The following TRPM2 variants were observed in gnomAD, a reference collection of about 807,000 sequenced individuals.
The protein encoded by TRPM2 is transient receptor potential cation channel subfamily M member 2.
A neutral mutation model predicts 174.0 loss-of-function variants in TRPM2; 161 were observed. That is an observed-to-expected ratio of 0.93 (90% confidence interval 0.81 to 1.05). The LOEUF (loss-of-function observed/expected upper bound fraction) is 1.05, where lower values mean the gene tolerates loss of function less well. Among genes scored for constraint, TRPM2 ranks in the 50% least tolerant of loss-of-function variants. The pLI, the probability that TRPM2 is intolerant of heterozygous loss-of-function variation, is 0.00. For synonymous variants in TRPM2, 954 were observed against 861.3 expected (o/e 1.11, Z -1.88); for missense variants, 2,057 against 2,038.0 (o/e 1.01, Z -0.18).
intron 22 of TRPM2, chr21:44,422,226 C>A: frequency 6.6e-7 from 1 of 1,524,902 alleles, no homozygotes. Context: ...CATAACCTTG[C>A]AGCACTGAGG....
rs545404762 is a variant in TRPM2 at position 44,439,564 on chromosome 21, G to A, written c.4269+396G>A. ...GAAGCCAGCCCCTCCCTCAGACCTC[G>A]CCCCGACTCCCAAGCTCTGGAGGGG... On this transcript the variant is annotated intron_variant, in intron 30 of 31. Transcript: ENST00000397928. The surrounding 1 kb of genome is among the most constrained non-coding windows in gnomAD (Gnocchi z 5.1). 5.3e-5 allele frequency among the ~76,000 whole-genome samples: 8 copies of A among 152,136 alleles called. No homozygotes were observed. The highest frequency in any genetic ancestry group is 2.1e-4 in the South Asian group (1 of 4,816).
At position 44,414,013 on chromosome 21, in the gene TRPM2, C is replaced by T; in HGVS notation, c.3085C>T (p.Leu1029Phe). The change falls in exon 20 of 32, where the codon CTC becomes TTC. Residue 1029 changes from leucine to phenylalanine, a missense_variant. By Grantham distance (22) the Leu-to-Phe change is conservative. Transcript: ENST00000397928. ...AFPEWLTVLL[L>F]CLYLLFTNIL... ...CCCTGAGTGGCTGACGGTCCTCCTA[C>T]TCTGCCTCTACCTGCTCTTCACCAA... The T allele has an allele frequency of 6.2e-7, 1 of 1,613,820 alleles. No individual in the cohort carries two copies. Among genetic ancestry groups the T allele is most frequent in the Non-Finnish European group, 8.5e-7 (1 of 1,180,010 alleles).
intron 9 of TRPM2, among the ~76,000 whole-genome samples, chr21:44,390,578 GTCT>G (rs1294339398): frequency 6.6e-6 from 1 of 152,266 alleles, no homozygotes; most frequent in East Asian, 1.9e-4. Flanking sequence ...AGAGACCTAT[GTCT>G]TCTTAAAACA....
In TRPM2 at chr21:44,364,123, G is replaced by A. The variant is rs775208321; in HGVS notation, c.264G>A (p.Val88=). ...TGCTGTGTCTTTGCAGGAAGGTGGT[G>A]TGTCAGTGTGGCTACACGCATGAGC... ...SSKLSDAGKV[V]CQCGYTHEQH... is the part of the protein sequence containing the mutation. The change falls in exon 3 of 32, where the codon GTG becomes GTA. Residue 88 remains valine (V), a synonymous_variant. Coordinates refer to ENST00000397928, the MANE Select transcript of TRPM2 (RefSeq NM_003307.4). 3 of 1,613,822 alleles carry A rather than the reference G, an allele frequency of 1.9e-6. No individual in the cohort carries two copies. The highest frequency in any genetic ancestry group is 4.5e-5 in the East Asian group (2 of 44,878).
At position 44,413,927 on chromosome 21, in the gene TRPM2, GC is replaced by G; in HGVS notation, c.3000del (p.Thr1001ProfsTer24). 1 of 1,613,830 alleles carries G rather than the reference GC, an allele frequency of 6.2e-7. No individual in the cohort carries two copies. Among genetic ancestry groups the G allele is most frequent in the Non-Finnish European group, 8.5e-7 (1 of 1,179,954 alleles). On this transcript the variant is annotated frameshift_variant, in exon 20 of 32. Coordinates refer to ENST00000397928, the MANE Select transcript of TRPM2 (RefSeq NM_003307.4). LOFTEE classifies it high-confidence loss of function. Reference protein sequence around the residue: ...NFNPEHCSPNGTDPYKPKCPE... With the variant: ...NFNPEHCSPNXTDPYKPKCPE... ...AACCCGGAGCACTGCAGCCCCAATG[GC>G]ACCGACCCCTACAAGCCTAAGTGCC... is the stretch of plus-strand genomic sequence containing the variant.
chr21:44,409,572 A>G (rs60459779), intron 19 of TRPM2, among the ~76,000 whole-genome samples: 3,642 of 136,934 alleles, frequency 0.027, 396 homozygotes, highest in African/African-American at 0.095. Flanking sequence ...GCCTTGTAGT[A>G]AGTTTTGACC....
chr21:44,402,041 A>G (rs911035636), intron 16 of TRPM2, 144 bp downstream of exon 16: 15 of 951,490 alleles, frequency 1.6e-5, no homozygotes, highest in Non-Finnish European at 2.4e-5. Flanking sequence ...TTCCTCCCCA[A>G]AATGGGTGGC....
chr21:44,419,896 A>AATGGTG (rs1285843243), intron 22 of TRPM2, among the ~76,000 whole-genome samples: 3 of 47,068 alleles, frequency 6.4e-5, no homozygotes, highest in Non-Finnish European at 1.4e-4. Flanking sequence ...GGTGGATGGT[A>AATGGTG]ATGGTGATGG....
chr21:44,440,546 G>T (rs1054283141), intron 30 of TRPM2, among the ~76,000 whole-genome samples: 1 of 152,192 alleles, frequency 6.6e-6, no homozygotes, highest in East Asian at 1.9e-4. Context: ...CTGAGCAGAC[G>T]TTTCCAAGGC....
At chr21:44,381,321 A>G (rs917731187) in intron 8 of TRPM2, among the ~76,000 whole-genome samples, 2 of 151,966 alleles carry the variant, frequency 1.3e-5, no homozygotes, top group Admixed American at 6.6e-5. Context: ...CCCTGGACAC[A>G]GGGGGAAGGT....
Position 44,438,980 on chromosome 21 carries a change from C to A in TRPM2, c.4168-87C>A. ...GGGCTGGGCCGCTGCCCACGCCGGGCAGGAGGCCAGTGGAGACGGGTGCCA... is the reference window on the plus strand; with the variant it reads ...GGGCTGGGCCGCTGCCCACGCCGGGAAGGAGGCCAGTGGAGACGGGTGCCA... On this transcript the variant is annotated intron_variant, in intron 29 of 31. Transcript: ENST00000397928. This position sits in a 1 kb window ranked among gnomAD's most constrained non-coding sequence, Gnocchi z 5.9. 9.0e-7 allele frequency: 1 copy of A among 1,115,832 alleles called. No homozygotes were observed. The highest frequency in any genetic ancestry group is 1.3e-6 in the Non-Finnish European group (1 of 764,436). The allele number at this position is 1,115,832 out of a possible 1,614,324, so 69.1% of individuals were successfully genotyped here.
chr21:44,437,217 A>T lies in TRPM2; in HGVS notation c.4167+50A>T, dbSNP rs539898923. The stretch of plus-strand genomic sequence containing the variant: ...CTGTCCACTGGGCTGTCTGTGGGTC[A>T]CTCGTCCATTCATCCATTCTGCCCA... On this transcript the variant is annotated intron_variant, in intron 29 of 31. Transcript: ENST00000397928. 48 of 1,489,838 alleles carry T rather than the reference A, an allele frequency of 3.2e-5. 1 individual carries two copies. In the African/African-American group the frequency reaches 5.0e-4, roughly 16 times the overall value. 92.3% of individuals were successfully genotyped at this position (1,489,838 alleles called of 1,614,324 possible).
chr21:44,419,170 C>T (rs892080265), intron 22 of TRPM2, among the ~76,000 whole-genome samples: 10 of 152,162 alleles, frequency 6.6e-5, no homozygotes, highest in Admixed American at 1.3e-4. Context: ...TCTCAGTGTG[C>T]GTCTCACCAT....
chr21:44,405,312 G>A (rs2049830335), intron 17 of TRPM2, 52 bp downstream of exon 17: 3 of 1,605,460 alleles, frequency 1.9e-6, no homozygotes, highest in South Asian at 1.1e-5. Flanking sequence ...CAGCCCTGCA[G>A]GGGATGAGCA....
upstream of TRPM2, among the ~76,000 whole-genome samples, chr21:44,351,971 C>T (rs1016963029): frequency 6.6e-6 from 1 of 152,204 alleles, no homozygotes; most frequent in Non-Finnish European, 1.5e-5. Flanking sequence ...TGGACCCTCC[C>T]GTCTGATGCT....
rs1203322976 is a variant in TRPM2 at position 44,417,966 on chromosome 21, T to C, written c.3186T>C (p.Ile1062=). ...FQQVQEHTDQ[I]WKFQRHDLIE... The stretch of plus-strand genomic sequence containing the variant: ...AGGTGCAGGAGCACACGGACCAGAT[T>C]TGGAAGTTCCAGCGCCATGACCTGA... Residue 1062 remains isoleucine, a synonymous_variant, in exon 21 of 32, where the codon ATT becomes ATC. Transcript: ENST00000397928. The C allele has an allele frequency of 6.2e-7, 1 of 1,612,946 alleles. No individual in the cohort carries two copies. Among genetic ancestry groups the C allele is most frequent in the Non-Finnish European group, 8.5e-7 (1 of 1,179,976 alleles).
At position 44,369,327 on chromosome 21, in the gene TRPM2, G is replaced by T. The variant is rs1168328477; in HGVS notation, c.755G>T (p.Gly252Val). 1 of 1,612,510 alleles carries T rather than the reference G, an allele frequency of 6.2e-7. No homozygotes were observed. The highest frequency in any genetic ancestry group is 1.1e-5 in the South Asian group (1 of 90,950). ...TGGGGCACTGTCCACCGCCGCGAGG[G>T]CCTGATCCATCCCACGGTGAGTGCG... Reference protein sequence around the residue: ...ATWGTVHRREGLIHPTGSFPA... With the variant: ...ATWGTVHRREVLIHPTGSFPA... The change falls in exon 5 of 32, where the codon GGC becomes GTC. Residue 252 changes from glycine (G) to valine (V), a missense_variant. Gly to Val is a moderately radical substitution (Grantham distance 109). Transcript: ENST00000397928.
At chr21:44,416,322 C>G (rs2050278073) in intron 20 of TRPM2, 1 of 152,390 alleles carries the variant, frequency 6.6e-6, no homozygotes, top group South Asian at 2.1e-4. Flanking sequence ...ATTGAGAGAA[C>G]CCGAGCATGG....
chr21:44,437,170 A>G lies in TRPM2; in HGVS notation c.4167+3A>G, dbSNP rs1458425760. On this transcript the variant is annotated splice_donor_region_variant and intron_variant, in intron 29 of 31. Transcript: ENST00000397928. Reference sequence around the variant, plus strand: ...CCGAGCACTGGGCCCTGCCTGGGGTAAGGCTGCCGCGTGTGGGACCTCTGT... The same window carrying G: ...CCGAGCACTGGGCCCTGCCTGGGGTGAGGCTGCCGCGTGTGGGACCTCTGT... 2.6e-6 allele frequency: 4 copies of G among 1,550,686 alleles called. No individual in the cohort carries two copies. The South Asian group carries it at 3.6e-5, about 14-fold the overall frequency.
Sources: allele counts gnomAD v4.1 joint callset (sites outside exome capture counted in the v4.1 genomes callset), GRCh38; gene constraint gnomAD v4.1.1; non-coding constraint Gnocchi (gnomAD v3.1); transcripts MANE v1.5; gene names NCBI Gene and HGNC (gene_info 2026-07-23, HGNC 2026-07-21).